Variants in LRFN2 observed in about 807,000 individuals in gnomAD.
The protein encoded by LRFN2 is leucine rich repeat and fibronectin type III domain containing 2, also known as leucine-rich repeat and fibronectin type-III domain-containing protein 2.
Under a neutral mutation model 37.3 loss-of-function variants are expected in LRFN2, and 18 were observed. The ratio of observed to expected loss-of-function variants is 0.48; its 90% confidence interval spans 0.33 to 0.72. The LOEUF (loss-of-function observed/expected upper bound fraction) is 0.72, where lower values mean the gene tolerates loss of function less well. Ranked by LOEUF, LRFN2 falls within the 30% of genes least tolerant of loss-of-function variation. The pLI is 0.02. For synonymous variants in LRFN2, 556 were observed against 466.6 expected (o/e 1.19, Z -2.47); for missense variants, 1,006 against 1,060.7 (o/e 0.95, Z 0.72).
Position 40,519,811 on chromosome 6 carries a change from G to A in LRFN2, c.-19+67130C>T, listed in dbSNP as rs205524. Among the ~76,000 whole-genome samples the A allele has an allele frequency of 4.1e-3, 619 of 152,294 alleles. 5 individuals are homozygous for A. Among genetic ancestry groups the A allele is most frequent in the African/African-American group, 0.014 (585 of 41,570 alleles). ...GAGTCTATAGGGCAGGAAAGAAAGC[G>A]TTCCCAGAGAAGGAGGCATTTGAGC... is the stretch of plus-strand genomic sequence containing the variant. On this transcript the variant is annotated intron_variant, in intron 1 of 2. Transcript: ENST00000338305.
Position 40,392,572 on chromosome 6 carries a change from C to T in LRFN2, c.1741G>A (p.Gly581Ser), listed in dbSNP as rs769771291. The T allele has an allele frequency of 3.7e-6, 6 of 1,605,646 alleles. No individual in the cohort carries two copies. The highest frequency in any genetic ancestry group is 2.2e-5 in the East Asian group (1 of 44,824). The change falls in exon 3 of 3, where the codon GGC (glycine) becomes AGC (serine). Residue 581 changes from glycine (G) to serine (S), a missense_variant. By Grantham distance (56) the Gly-to-Ser change is moderately conservative. Transcript: ENST00000338305. The surrounding 1 kb of genome is among the most constrained non-coding windows in gnomAD (Gnocchi z 4.7). Reference protein sequence around the residue: ...AVSNVYSQTNGAQPPPPSSAP... With the variant: ...AVSNVYSQTNSAQPPPPSSAP... The stretch of plus-strand genomic sequence containing the variant: ...CTGCTTGGAGGCGGTGGCTGGGCGC[C>T]GTTGGTCTGCGAGTACACATTGCTC...
intron 1 of LRFN2, among the ~76,000 whole-genome samples, chr6:40,518,350 C>T (rs528012807): frequency 6.6e-6 from 1 of 152,304 alleles, no homozygotes; most frequent in East Asian, 1.9e-4. Flanking sequence ...GAAATAAATA[C>T]TACTATGATC....
chr6:40,494,414 C>T (rs1020764764), intron 1 of LRFN2, among the ~76,000 whole-genome samples: 59 of 152,152 alleles, frequency 3.9e-4, no homozygotes, highest in Admixed American at 2.8e-3. Context: ...TTTAAGCTGC[C>T]TCAAAATGCT....
rs147254611 is a variant in LRFN2 at position 40,419,592 on chromosome 6, T to G, written c.1400+12122A>C. Among the ~76,000 whole-genome samples the G allele has an allele frequency of 6.2e-3, 943 of 152,320 alleles. 5 individuals carry two copies. Among genetic ancestry groups the G allele is most frequent in the Middle Eastern group, 0.034 (10 of 294 alleles). ...TAAGCCACCTAGAGTTTGAGGTTCT[T>G]TGTTATGCAACATGGTTGTGGCAGC... On this transcript the variant is annotated intron_variant, in intron 2 of 2. Coordinates refer to ENST00000338305, the MANE Select transcript of LRFN2 (RefSeq NM_020737.3).
intron 1 of LRFN2, among the ~76,000 whole-genome samples, chr6:40,538,764 C>T (rs1201436915): frequency 1.3e-5 from 2 of 152,180 alleles, no homozygotes; most frequent in East Asian, 3.8e-4. Context: ...CAGATATGCC[C>T]GTTGTGTGTC....
intron 1 of LRFN2, among the ~76,000 whole-genome samples, chr6:40,522,086 G>T (rs138858480): frequency 6.6e-6 from 1 of 152,170 alleles, no homozygotes; most frequent in African/African-American, 2.4e-5. Context: ...AGAGCCAGAC[G>T]TTGTATGTGG....
At chr6:40,536,150 T>A (rs1581783675) in intron 1 of LRFN2, among the ~76,000 whole-genome samples, 1 of 151,872 alleles carries the variant, frequency 6.6e-6, no homozygotes, top group Admixed American at 6.6e-5. Flanking sequence ...GCCTGAGGGG[T>A]GAGGCCTGGG....
intron 1 of LRFN2, among the ~76,000 whole-genome samples, chr6:40,570,475 C>A (rs1304921536): frequency 6.6e-6 from 1 of 152,148 alleles, no homozygotes; most frequent in Non-Finnish European, 1.5e-5. Flanking sequence ...GTTGTGCAGC[C>A]AGATTTCTGC....
chr6:40,539,547 T>C (rs777845859), intron 1 of LRFN2, among the ~76,000 whole-genome samples: 3 of 152,138 alleles, frequency 2.0e-5, no homozygotes, highest in Non-Finnish European at 4.4e-5. Context: ...CGTGGGAGCT[T>C]TGGGTACAGC....
At chr6:40,399,613 AT>A (rs1448272066) in intron 2 of LRFN2, among the ~76,000 whole-genome samples, 1 of 150,254 alleles carries the variant, frequency 6.7e-6, no homozygotes, top group African/African-American at 2.4e-5. Context: ...AATTTTTTGT[AT>A]TTGAGTAGAG....
At chr6:40,454,327 A>G (rs567478767) in intron 1 of LRFN2, among the ~76,000 whole-genome samples, 1 of 152,314 alleles carries the variant, frequency 6.6e-6, no homozygotes, top group South Asian at 2.1e-4. Context: ...AGAAATTTTA[A>G]TGCTGTCCTG....
At chr6:40,447,763 T>G (rs1274657796) in intron 1 of LRFN2, among the ~76,000 whole-genome samples, 1 of 152,148 alleles carries the variant, frequency 6.6e-6, no homozygotes, top group Non-Finnish European at 1.5e-5. Context: ...TCAAGGTGTT[T>G]AGATGATGTA....
At chr6:40,569,310 C>G (rs532745300) in intron 1 of LRFN2, among the ~76,000 whole-genome samples, 1 of 152,108 alleles carries the variant, frequency 6.6e-6, no homozygotes, top group Admixed American at 6.5e-5. Context: ...TTGGTACATT[C>G]GAGGCATTTA....
intron 1 of LRFN2, among the ~76,000 whole-genome samples, chr6:40,536,709 C>T (rs549765384): frequency 6.6e-6 from 1 of 152,244 alleles, no homozygotes; most frequent in South Asian, 2.1e-4. Flanking sequence ...CACCAAGGAA[C>T]CTGAAGCCCT....
intron 1 of LRFN2, among the ~76,000 whole-genome samples, chr6:40,459,345 G>A (rs538257572): frequency 6.4e-4 from 97 of 152,314 alleles, no homozygotes; most frequent in Non-Finnish European, 1.1e-3. Flanking sequence ...CAATTGTGAG[G>A]GACGATGTGT....
intron 1 of LRFN2, among the ~76,000 whole-genome samples, chr6:40,550,682 C>CT (rs1467661710): frequency 2.2e-4 from 33 of 151,260 alleles, no homozygotes; most frequent in East Asian, 3.9e-4. Flanking sequence ...GTTTTGTTTG[C>CT]TTTTTTTTGC....
intron 1 of LRFN2, among the ~76,000 whole-genome samples, chr6:40,512,282 C>T (rs549483727): frequency 2.6e-5 from 4 of 152,272 alleles, no homozygotes; most frequent in Admixed American, 6.5e-5. Context: ...CCATTGCCCC[C>T]GCTTCCTGTG....
At chr6:40,499,556 T>C (rs1358775685) in intron 1 of LRFN2, among the ~76,000 whole-genome samples, 2 of 152,112 alleles carry the variant, frequency 1.3e-5, no homozygotes, top group African/African-American at 4.8e-5. Context: ...GAAAATACAA[T>C]TGGAGTGGAT....
intron 1 of LRFN2, among the ~76,000 whole-genome samples, chr6:40,480,795 C>T (rs187197884): frequency 5.3e-5 from 8 of 152,258 alleles, no homozygotes; most frequent in South Asian, 2.1e-4. Flanking sequence ...GTCACCATGT[C>T]GCATATGGGG....
Sources: allele counts gnomAD v4.1 joint callset (sites outside exome capture counted in the v4.1 genomes callset), GRCh38; gene constraint gnomAD v4.1.1; non-coding constraint Gnocchi (gnomAD v3.1); transcripts MANE v1.5; gene names NCBI Gene and HGNC (gene_info 2026-07-23, HGNC 2026-07-21).